SYNPR: variants seen among roughly 807,000 people sequenced by gnomAD.
The protein encoded by SYNPR is synaptoporin.
Under a neutral mutation model 32.9 loss-of-function variants are expected in SYNPR, and 23 were observed. The observed-to-expected ratio is 0.70, with a 90% CI of 0.50 to 0.99. The LOEUF is 0.99. Ranked by LOEUF, SYNPR falls within the 50% of genes least tolerant of loss-of-function variation. The pLI is 0.00. For synonymous variants in SYNPR, 146 were observed against 135.9 expected (o/e 1.07, Z -0.52); for missense variants, 318 against 349.3 (o/e 0.91, Z 0.71).
chr3:63,521,369 C>A (rs903540284), intron 3 of SYNPR, among the ~76,000 whole-genome samples: 1 of 152,186 alleles, frequency 6.6e-6, no homozygotes, highest in Non-Finnish European at 1.5e-5. Flanking sequence ...GCCTGAGTAT[C>A]TTTGTAGAAT....
intron 5 of SYNPR, among the ~76,000 whole-genome samples, chr3:63,614,179 G>A (rs1386321778): frequency 1.3e-5 from 2 of 152,166 alleles, no homozygotes; most frequent in African/African-American, 4.8e-5. Flanking sequence ...GTCACGCTAG[G>A]GGGTGATGAC....
Position 63,540,742 on chromosome 3 carries a change from A to G in SYNPR, c.210-15801A>G, listed in dbSNP as rs77732239. Among the ~76,000 whole-genome samples, 780 of 151,966 alleles carry G rather than the reference A, an allele frequency of 5.1e-3. 10 individuals are homozygous for G. The highest frequency in any genetic ancestry group is 0.018 in the African/African-American group (747 of 41,474). ...GGGCATCTACTTCATACTTGGCAAGATTTTTTTTAAAAGACCCAGACATGA... is the reference window on the plus strand; with the variant it reads ...GGGCATCTACTTCATACTTGGCAAGGTTTTTTTTAAAAGACCCAGACATGA... On this transcript the variant is annotated intron_variant, in intron 3 of 5. Coordinates refer to ENST00000478300, the MANE Select transcript of SYNPR (RefSeq NM_001130003.2).
chr3:63,317,962 C>A (rs1277285772), intron 2 of SYNPR, among the ~76,000 whole-genome samples: 2 of 151,994 alleles, frequency 1.3e-5, no homozygotes, highest in African/African-American at 2.4e-5. Context: ...ATGGTGAATT[C>A]TCTCAGCATT....
intron 1 of SYNPR, among the ~76,000 whole-genome samples, chr3:63,242,144 A>G (rs1386665133): frequency 6.6e-6 from 1 of 152,148 alleles, no homozygotes; most frequent in Non-Finnish European, 1.5e-5. Flanking sequence ...GATAATGTGA[A>G]TTCAAATTCA....
At chr3:63,265,217 G>A (rs1366617362) in intron 2 of SYNPR, among the ~76,000 whole-genome samples, 2 of 143,550 alleles carry the variant, frequency 1.4e-5, no homozygotes, top group East Asian at 4.2e-4. Context: ...CAGTATTAGT[G>A]GCAATTTGGT....
the SYNPR span, among the ~76,000 whole-genome samples, chr3:63,218,250 A>G: frequency 6.6e-6 from 1 of 152,238 alleles, no homozygotes; most frequent in African/African-American, 2.4e-5. Flanking sequence ...ATATTAGTTG[A>G]TAACCCTGTT....
chr3:63,452,791 T>C (rs1575651914), intron 2 of SYNPR, among the ~76,000 whole-genome samples: 1 of 152,286 alleles, frequency 6.6e-6, no homozygotes. Flanking sequence ...CTCTCACCCA[T>C]TATGTTAACC....
intron 2 of SYNPR, among the ~76,000 whole-genome samples, chr3:63,334,515 AGTGTGTGTGTGTGTGT>A (rs138498529): frequency 0.25 from 37,822 of 149,230 alleles, 5,498 homozygotes; most frequent in South Asian, 0.44. Context: ...GTCTCAATGA[AGTGTGTGTGTGTGTGT>A]GTGTGTGTGT....
At chr3:63,338,517 G>A (rs1399024916) in intron 2 of SYNPR, among the ~76,000 whole-genome samples, 1 of 152,200 alleles carries the variant, frequency 6.6e-6, no homozygotes, top group Non-Finnish European at 1.5e-5. Flanking sequence ...TCCCTTCTGA[G>A]TATTTTTCAG....
At position 63,595,720 on chromosome 3, in the gene SYNPR, TA is replaced by T. The variant is rs1699923368; in HGVS notation, c.409-13404del. On this transcript the variant is annotated intron_variant, in intron 4 of 5. Coordinates refer to ENST00000478300, the MANE Select transcript of SYNPR (RefSeq NM_001130003.2). ...GGTGGGACTTCTGAATCTTATTTTATATATATATATATATATATATATATAT... is the reference window on the plus strand; with the variant it reads ...GGTGGGACTTCTGAATCTTATTTTATTATATATATATATATATATATATAT... 1.9e-3 allele frequency among the ~76,000 whole-genome samples: 19 copies of T among 9,750 alleles called. No individual in the cohort carries two copies. The South Asian group carries it at 0.045, about 23-fold the overall frequency. 6.4% of individuals were successfully genotyped at this position (9,750 alleles called of 152,430 possible). A position where few individuals can be genotyped will look rare whatever the true frequency, so the allele number is the denominator to read the frequency against.
intron 3 of SYNPR, among the ~76,000 whole-genome samples, chr3:63,510,423 A>G (rs779007543): frequency 1.3e-5 from 2 of 152,160 alleles, no homozygotes; most frequent in African/African-American, 2.4e-5. Context: ...GCCATTTTCA[A>G]TGTGTGGTTT....
chr3:63,294,098 A>T (rs1416916135), intron 2 of SYNPR, among the ~76,000 whole-genome samples: 1 of 152,086 alleles, frequency 6.6e-6, no homozygotes, highest in East Asian at 1.9e-4. Flanking sequence ...TCTATATGTG[A>T]TTATGCTGTA....
At chr3:63,388,556 T>TTCTG (rs1338505690) in intron 2 of SYNPR, among the ~76,000 whole-genome samples, 1 of 128,018 alleles carries the variant, frequency 7.8e-6, no homozygotes, top group African/African-American at 3.0e-5. Flanking sequence ...CCCGGCTAAT[T>TTCTG]TGTGTGTGTG....
chr3:63,456,891 A>G (rs371387230), intron 2 of SYNPR, among the ~76,000 whole-genome samples: 1 of 152,090 alleles, frequency 6.6e-6, no homozygotes, highest in South Asian at 2.1e-4. Context: ...GAAGTGTTCC[A>G]CTTCAAATGA....
At chr3:63,468,491 G>GCACACACACACA (rs10663212) in intron 2 of SYNPR, among the ~76,000 whole-genome samples, 59 of 148,656 alleles carry the variant, frequency 4.0e-4, no homozygotes, top group South Asian at 1.9e-3. Context: ...TACCTGCAAA[G>GCACACACACACA]CACACACACA....
At chr3:63,552,165 T>C (rs1702514775) in intron 3 of SYNPR, among the ~76,000 whole-genome samples, 2 of 152,134 alleles carry the variant, frequency 1.3e-5, no homozygotes, top group South Asian at 4.1e-4. Flanking sequence ...CCCAAAGTGC[T>C]GTGATTACAG....
chr3:63,600,398 G>T (rs1363680634), intron 4 of SYNPR, among the ~76,000 whole-genome samples: 1 of 152,170 alleles, frequency 6.6e-6, no homozygotes, highest in East Asian at 1.9e-4. Flanking sequence ...TTTGGCCAGT[G>T]GGGAGCCTCA....
At chr3:63,415,377 T>C (rs1191262624) in intron 2 of SYNPR, among the ~76,000 whole-genome samples, 1 of 152,068 alleles carries the variant, frequency 6.6e-6, no homozygotes, top group Admixed American at 6.6e-5. Context: ...TGGCCAAAAA[T>C]TTGGCCCAAA....
intron 2 of SYNPR, among the ~76,000 whole-genome samples, chr3:63,329,676 G>A (rs17311845): frequency 0.3 from 45,916 of 152,018 alleles, 7,276 homozygotes; most frequent in South Asian, 0.45. Context: ...ACTCACGAAT[G>A]TGTCTCTGGG....
Sources: allele counts gnomAD v4.1 joint callset (sites outside exome capture counted in the v4.1 genomes callset), GRCh38; gene constraint gnomAD v4.1.1; transcripts MANE v1.5; gene names NCBI Gene and HGNC (gene_info 2026-07-23, HGNC 2026-07-21).